The following LRRC7 variants were observed in gnomAD, a reference collection of about 807,000 sequenced individuals.
LRRC7 encodes leucine rich repeat containing 7, also known as leucine-rich repeat-containing protein 7.
In LRRC7, 23 loss-of-function variants were observed where a neutral mutation model predicts 175.7. The observed-to-expected ratio is 0.13, with a 90% CI of 0.09 to 0.19. LRRC7 has a LOEUF of 0.19. LRRC7 is among the 10% of genes least tolerant of loss of function. The pLI is 1.00. For missense variants in LRRC7, 1,354 were observed against 1,904.7 expected (o/e 0.71, Z 5.38); for synonymous variants, 685 against 680.9 (o/e 1.01, Z -0.09).
chr1:69,882,010 C>CAAAAAAAAAAAAAA (rs34756242), intron 7 of LRRC7, among the ~76,000 whole-genome samples: 1 of 123,078 alleles, frequency 8.1e-6, no homozygotes, highest in Non-Finnish European at 1.7e-5. Flanking sequence ...GACTGAATAG[C>CAAAAAAAAAAAAAA]AAAAAAAAAA....
At position 70,125,228 on chromosome 1, in the gene LRRC7, A is replaced by G. The variant is rs1460384119; in HGVS notation, c.*3341A>G. Among the ~76,000 whole-genome samples, 1 of 152,232 alleles carries G rather than the reference A, an allele frequency of 6.6e-6. No individual in the cohort carries two copies. Among genetic ancestry groups the G allele is most frequent in the East Asian group, 1.9e-4 (1 of 5,198 alleles). ...TCCATTACTTAGAATTGTAATTATT[A>G]GGTTGCTGAAAAAGTAATTGCGGTT... is the stretch of plus-strand genomic sequence containing the variant. On this transcript the variant is annotated 3_prime_UTR_variant, in exon 27 of 27. Coordinates refer to ENST00000651989, the MANE Select transcript of LRRC7 (RefSeq NM_001370785.2).
chr1:70,087,508 CAAAG>C (rs1663703704), intron 24 of LRRC7, among the ~76,000 whole-genome samples: 5 of 152,126 alleles, frequency 3.3e-5, no homozygotes, highest in Admixed American at 1.3e-4. Context: ...TAAATAATAA[CAAAG>C]AGATCAACTA....
intron 1 of LRRC7, among the ~76,000 whole-genome samples, chr1:69,621,185 C>T (rs2100317752): frequency 6.6e-6 from 1 of 152,128 alleles, no homozygotes; most frequent in East Asian, 1.9e-4. Flanking sequence ...GCTGGGATTA[C>T]AGGCATGTGC....
rs115695749 is a variant in LRRC7 at position 70,018,192 on chromosome 1, G to A, written c.1321-527G>A. 3.1e-3 allele frequency among the ~76,000 whole-genome samples: 474 copies of A among 152,034 alleles called. 3 individuals carry two copies. The highest frequency in any genetic ancestry group is 0.01 in the African/African-American group (425 of 41,516). ...AATAACAGAATGAAATATGCACAGA[G>A]GTCAATATATTATGATATATCAGGT... On this transcript the variant is annotated intron_variant, in intron 14 of 26. Coordinates refer to ENST00000651989, the MANE Select transcript of LRRC7 (RefSeq NM_001370785.2).
chr1:70,082,752 A>AT (rs1393822466), intron 24 of LRRC7, among the ~76,000 whole-genome samples: 1 of 110,944 alleles, frequency 9.0e-6, no homozygotes, highest in Admixed American at 1.0e-4. Context: ...ACATCAGGGG[A>AT]TTTTATTAGT....
At chr1:69,718,269 T>A (rs1665963104) in intron 2 of LRRC7, among the ~76,000 whole-genome samples, 2 of 151,772 alleles carry the variant, frequency 1.3e-5, no homozygotes, top group South Asian at 4.1e-4. Context: ...AATCAATGGC[T>A]TGTTGTAAGC....
At chr1:69,932,532 A>C (rs575166696) in intron 8 of LRRC7, among the ~76,000 whole-genome samples, 16 of 152,328 alleles carry the variant, frequency 1.1e-4, no homozygotes, top group African/African-American at 3.4e-4. Context: ...CTGTATTTTG[A>C]ATGCACAAAG....
At chr1:69,684,585 C>G (rs1399971329) in intron 2 of LRRC7, among the ~76,000 whole-genome samples, 1 of 152,080 alleles carries the variant, frequency 6.6e-6, no homozygotes, top group Non-Finnish European at 1.5e-5. Context: ...TGAAAGGACT[C>G]TGAAAGCTTC....
intron 7 of LRRC7, among the ~76,000 whole-genome samples, chr1:69,872,951 G>T (rs555605724): frequency 6.6e-6 from 1 of 152,246 alleles, no homozygotes; most frequent in Non-Finnish European, 1.5e-5. Context: ...TACTGGAGAA[G>T]AAAATTTCAT....
At chr1:69,709,484 C>CTTT (rs2100727516) in intron 2 of LRRC7, among the ~76,000 whole-genome samples, 1 of 152,252 alleles carries the variant, frequency 6.6e-6, no homozygotes, top group Non-Finnish European at 1.5e-5. Flanking sequence ...GTGAACACAG[C>CTTT]TTTGTTTTTG....
chr1:69,865,716 G>A (rs1320123403), intron 7 of LRRC7, among the ~76,000 whole-genome samples: 1 of 151,798 alleles, frequency 6.6e-6, no homozygotes. Flanking sequence ...TCCTGACCTC[G>A]TGATCTGCCC....
intron 4 of LRRC7, among the ~76,000 whole-genome samples, chr1:69,819,262 A>AT (rs753615798): frequency 1.4e-3 from 215 of 150,030 alleles, no homozygotes; most frequent in Admixed American, 4.3e-3. Flanking sequence ...TTGTATTTCT[A>AT]TTTTTTTTTG....
intron 4 of LRRC7, among the ~76,000 whole-genome samples, chr1:69,795,967 A>G (rs898838721): frequency 2.3e-5 from 3 of 132,944 alleles, no homozygotes; most frequent in Admixed American, 7.4e-5. Flanking sequence ...TTTCTATTTT[A>G]TTATTATTAT....
At chr1:69,830,254 C>T (rs1243330486) in intron 5 of LRRC7, among the ~76,000 whole-genome samples, 1 of 151,714 alleles carries the variant, frequency 6.6e-6, no homozygotes, top group Non-Finnish European at 1.5e-5. Flanking sequence ...TACAGTACAT[C>T]TATGGGGTGG....
chr1:69,876,054 G>A (rs1165147573), intron 7 of LRRC7, among the ~76,000 whole-genome samples: 1 of 152,132 alleles, frequency 6.6e-6, no homozygotes, highest in East Asian at 1.9e-4. Context: ...CATTTTATTG[G>A]CATCTCATGA....
chr1:70,046,684 C>T (rs1660356809), intron 22 of LRRC7, among the ~76,000 whole-genome samples: 1 of 152,110 alleles, frequency 6.6e-6, no homozygotes, highest in African/African-American at 2.4e-5. Context: ...ATGCAGGAAC[C>T]TTATCAGGCA....
intron 5 of LRRC7, among the ~76,000 whole-genome samples, chr1:69,831,335 C>T (rs920070766): frequency 6.6e-6 from 1 of 151,884 alleles, no homozygotes; most frequent in South Asian, 2.1e-4. Flanking sequence ...AACATCTGTG[C>T]CATTCTCATA....
chr1:69,801,609 T>C (rs1251137262), intron 4 of LRRC7, among the ~76,000 whole-genome samples: 1 of 151,738 alleles, frequency 6.6e-6, no homozygotes, highest in Non-Finnish European at 1.5e-5. Context: ...TTTCTCTCCT[T>C]TTCTTGATTA....
chr1:69,788,445 T>C (rs567806257), intron 3 of LRRC7, among the ~76,000 whole-genome samples: 1 of 152,348 alleles, frequency 6.6e-6, no homozygotes, highest in African/African-American at 2.4e-5. Flanking sequence ...TTCATACCTT[T>C]ATCTTTAGTG....
Sources: gnomAD v4.1 joint callset for allele counts (sites outside exome capture counted in the v4.1 genomes callset) on GRCh38, gnomAD v4.1.1 for gene constraint, MANE v1.5 for transcripts, NCBI Gene and HGNC (gene_info 2026-07-23, HGNC 2026-07-21) for gene names.